Variants in EXOC6B observed in about 807,000 individuals in gnomAD.
EXOC6B encodes SEC15 homolog B.
In EXOC6B, 54 loss-of-function variants were observed where a neutral mutation model predicts 113.5. The observed-to-expected ratio is 0.48, with a 90% CI of 0.38 to 0.60. The LOEUF (loss-of-function observed/expected upper bound fraction) is 0.60, where lower values mean the gene tolerates loss of function less well. Ranked by LOEUF, EXOC6B falls within the 20% of genes least tolerant of loss-of-function variation. EXOC6B has a pLI of 0.00. For synonymous variants in EXOC6B, 357 were observed against 339.0 expected (o/e 1.05, Z -0.58); for missense variants, 797 against 977.5 (o/e 0.82, Z 2.46).
intron 20 of EXOC6B, among the ~76,000 whole-genome samples, chr2:72,229,928 C>T (rs1193391290): frequency 6.6e-6 from 1 of 152,078 alleles, no homozygotes; most frequent in Non-Finnish European, 1.5e-5. Flanking sequence ...CAGGTATTCC[C>T]ATCTCAAAGC....
At chr2:72,221,937 A>G (rs1298085446) in intron 20 of EXOC6B, among the ~76,000 whole-genome samples, 1 of 152,140 alleles carries the variant, frequency 6.6e-6, no homozygotes, top group Non-Finnish European at 1.5e-5. Context: ...AACTCTTATG[A>G]ATTAGCCAGC....
At chr2:72,439,929 G>A (rs1169706733) in intron 18 of EXOC6B, among the ~76,000 whole-genome samples, 3 of 152,100 alleles carry the variant, frequency 2.0e-5, no homozygotes, top group African/African-American at 7.2e-5. Context: ...TTCTCCATAT[G>A]GCTGCTGTGG....
chr2:72,453,523 A>C (rs7577244), intron 18 of EXOC6B, among the ~76,000 whole-genome samples: 36,670 of 152,084 alleles, frequency 0.24, 7,520 homozygotes, highest in African/African-American at 0.56. Context: ...TGTTTGCAAT[A>C]ATTTGTCTTA....
intron 6 of EXOC6B, among the ~76,000 whole-genome samples, chr2:72,603,303 G>A (rs1670542334): frequency 2.6e-5 from 4 of 151,966 alleles, no homozygotes; most frequent in Admixed American, 2.0e-4. Flanking sequence ...TTTAAAAGAT[G>A]GAAGTACCGT....
chr2:72,402,697 T>C (rs916234008), intron 18 of EXOC6B, among the ~76,000 whole-genome samples: 8 of 152,330 alleles, frequency 5.3e-5, no homozygotes, highest in African/African-American at 1.9e-4. Flanking sequence ...TGTTTTGTTG[T>C]ATATTGTGTG....
At chr2:72,603,060 G>A (rs545228953) in intron 6 of EXOC6B, among the ~76,000 whole-genome samples, 46 of 141,060 alleles carry the variant, frequency 3.3e-4, no homozygotes, top group African/African-American at 1.2e-3. Flanking sequence ...GTTAACTTGT[G>A]TACGGACAGA....
chr2:72,551,893 G>A lies in EXOC6B; in HGVS notation c.915+7560C>T, dbSNP rs536119408. 9.9e-4 allele frequency among the ~76,000 whole-genome samples: 151 copies of A among 152,206 alleles called. 1 individual carries two copies. The highest frequency in any genetic ancestry group is 6.8e-3 in the Middle Eastern group (2 of 294). On this transcript the variant is annotated intron_variant, in intron 8 of 21. Coordinates refer to ENST00000272427, the MANE Select transcript of EXOC6B (RefSeq NM_015189.3). ...ATTCAAAGAATGTAACTTCTCTCCT[G>A]GTGTAATGTAATCATATTAAAGCAT...
At chr2:72,470,146 T>C (rs1698307236) in intron 17 of EXOC6B, among the ~76,000 whole-genome samples, 1 of 152,168 alleles carries the variant, frequency 6.6e-6, no homozygotes, top group African/African-American at 2.4e-5. Context: ...AGGGATTGCA[T>C]TGAATCTATA....
intron 20 of EXOC6B, among the ~76,000 whole-genome samples, chr2:72,198,299 C>T (rs1679291614): frequency 6.6e-6 from 1 of 152,196 alleles, no homozygotes. Flanking sequence ...CATTAAGGGC[C>T]TGCTCTCTCA....
At chr2:72,316,680 A>C (rs551072926) in intron 20 of EXOC6B, among the ~76,000 whole-genome samples, 1 of 152,328 alleles carries the variant, frequency 6.6e-6, no homozygotes, top group South Asian at 2.1e-4. Flanking sequence ...TTACCCACTG[A>C]GGGATGGGGA....
chr2:72,820,243 A>G (rs1052381171), intron 1 of EXOC6B, among the ~76,000 whole-genome samples: 3 of 152,348 alleles, frequency 2.0e-5, no homozygotes, highest in Middle Eastern at 3.4e-3. Flanking sequence ...ACCCATAAGT[A>G]AAGCTTTGTA....
intron 20 of EXOC6B, among the ~76,000 whole-genome samples, chr2:72,268,658 G>C (rs926905536): frequency 6.6e-6 from 1 of 152,108 alleles, no homozygotes; most frequent in Non-Finnish European, 1.5e-5. Context: ...AGGTGTTTGG[G>C]TCATGGGGGC....
At chr2:72,264,148 C>T (rs1683903356) in intron 20 of EXOC6B, among the ~76,000 whole-genome samples, 1 of 152,162 alleles carries the variant, frequency 6.6e-6, no homozygotes, top group Non-Finnish European at 1.5e-5. Flanking sequence ...TCTTTCCTGC[C>T]TATAGAGCTG....
intron 11 of EXOC6B, among the ~76,000 whole-genome samples, chr2:72,505,382 G>A (rs566048650): frequency 6.6e-6 from 1 of 151,970 alleles, no homozygotes; most frequent in Non-Finnish European, 1.5e-5. Flanking sequence ...ATATCCCAAG[G>A]ATCCATATAT....
intron 19 of EXOC6B, among the ~76,000 whole-genome samples, chr2:72,358,538 A>T (rs1244197528): frequency 6.6e-6 from 1 of 152,222 alleles, no homozygotes; most frequent in Non-Finnish European, 1.5e-5. Flanking sequence ...CATGTCTATG[A>T]GATAGGTACA....
At chr2:72,325,829 T>A (rs889950444) in intron 20 of EXOC6B, among the ~76,000 whole-genome samples, 7 of 152,100 alleles carry the variant, frequency 4.6e-5, no homozygotes, top group Admixed American at 4.6e-4. Flanking sequence ...TCCTGGTTCC[T>A]GGACTTGCCC....
intron 6 of EXOC6B, among the ~76,000 whole-genome samples, chr2:72,683,001 T>A (rs1676822458): frequency 1.3e-5 from 2 of 152,234 alleles, no homozygotes; most frequent in Admixed American, 6.5e-5. Flanking sequence ...TTTGCTATAC[T>A]TCTTAGAATA....
intron 20 of EXOC6B, among the ~76,000 whole-genome samples, chr2:72,254,899 T>C (rs931992655): frequency 1.3e-5 from 2 of 152,122 alleles, no homozygotes; most frequent in Non-Finnish European, 2.9e-5. Context: ...TCACTATTTA[T>C]GGTAAAATGT....
chr2:72,427,144 T>C (rs1695242868), intron 18 of EXOC6B, among the ~76,000 whole-genome samples: 1 of 152,176 alleles, frequency 6.6e-6, no homozygotes, highest in South Asian at 2.1e-4. Context: ...GGAGCCCCCC[T>C]GGAGCCAGCC....
Sources: allele counts gnomAD v4.1 joint callset (sites outside exome capture counted in the v4.1 genomes callset), GRCh38; gene constraint gnomAD v4.1.1; transcripts MANE v1.5; gene names NCBI Gene and HGNC (gene_info 2026-07-23, HGNC 2026-07-21).